CARHSP1: variants seen among roughly 807,000 people sequenced by gnomAD.
The protein encoded by CARHSP1 is calcium regulated heat stable protein 1.
CARHSP1 carries 14 observed loss-of-function variants against 12.5 expected under a neutral mutation model. The observed-to-expected ratio is 1.12, with a 90% CI of 0.74 to 1.75. The LOEUF (loss-of-function observed/expected upper bound fraction) is 1.75. Among genes scored for constraint, CARHSP1 ranks in the 40% most tolerant of loss-of-function variants. CARHSP1 has a pLI of 0.00. For missense variants in CARHSP1, 343 were observed against 201.6 expected (o/e 1.70, Z -4.25); for synonymous variants, 161 against 82.0 (o/e 1.96, Z -5.20).
intron 1 of CARHSP1, among the ~76,000 whole-genome samples, chr16:8,864,579 GAGTA>G: frequency 6.6e-6 from 1 of 152,350 alleles, no homozygotes; most frequent in East Asian, 1.9e-4. Context: ...GTGAAATACG[GAGTA>G]AGTCAGACAG....
At chr16:8,860,083 G>C in intron 1 of CARHSP1, 2 of 957,414 alleles carry the variant, frequency 2.1e-6, no homozygotes, top group Non-Finnish European at 2.5e-6. Flanking sequence ...GACACCACAG[G>C]GAAGCAGGGG....
At chr16:8,857,564 C>A (rs1476701181) in intron 3 of CARHSP1, 1 of 142,754 alleles carries the variant, frequency 7.0e-6, no homozygotes, top group African/African-American at 2.6e-5. Context: ...AGTGCTGGGA[C>A]TACAGGTGTG....
chr16:8,866,544 C>A (rs1021846500), intron 1 of CARHSP1: 1 of 846,348 alleles, frequency 1.2e-6, no homozygotes. Flanking sequence ...AGAGGCGGGG[C>A]GGGTCAGCTG....
At chr16:8,867,396 G>A (rs1567192135) in intron 1 of CARHSP1, 1 of 152,294 alleles carries the variant, frequency 6.6e-6, no homozygotes, top group Non-Finnish European at 1.5e-5. Flanking sequence ...ATGGTGCCGC[G>A]AAAATGCCAA....
chr16:8,867,031 C>G (rs1217917239), intron 1 of CARHSP1, among the ~76,000 whole-genome samples: 1 of 152,114 alleles, frequency 6.6e-6, no homozygotes, highest in Non-Finnish European at 1.5e-5. Flanking sequence ...ATTAGCACCC[C>G]TGGACGGCCT....
chr16:8,861,031 CAGAGTG>C (rs1426013950), intron 1 of CARHSP1, among the ~76,000 whole-genome samples: 1 of 144,256 alleles, frequency 6.9e-6, no homozygotes, highest in African/African-American at 2.5e-5. Flanking sequence ...GCCTGGGTGA[CAGAGTG>C]AGACTCCGTC....
chr16:8,863,516 C>T (rs2141121800), intron 1 of CARHSP1, among the ~76,000 whole-genome samples: 1 of 152,350 alleles, frequency 6.6e-6, no homozygotes, highest in African/African-American at 2.4e-5. Context: ...GAGGTGGCTA[C>T]ATTCCTGCTC....
rs548374827 is a variant in CARHSP1, at chr16:8,854,810, C to T, written c.*354G>A. 3 of 177,162 alleles carry T rather than the reference C, an allele frequency of 1.7e-5. No homozygotes were observed. In the South Asian group the frequency reaches 5.9e-4, roughly 35 times the overall value. The allele number at this position is 177,162 out of a possible 1,614,324, so 11.0% of individuals were successfully genotyped here. On this transcript the variant is annotated 3_prime_UTR_variant, in exon 4 of 4. Transcript: ENST00000311052. ...TCCAGCTCCAGGAGGAAGAGGGATT[C>T]TGTGGGTTGAGCCCATGTGTCTGAG...
At chr16:8,858,228 A>C (rs1397413601) in intron 3 of CARHSP1, 122 bp downstream of exon 3, 4 of 1,200,666 alleles carry the variant, frequency 3.3e-6, no homozygotes, top group Non-Finnish European at 4.6e-6. Context: ...AGGCAGAGTC[A>C]CACAGGCCCA....
intron 3 of CARHSP1, 121 bp downstream of exon 3, chr16:8,858,229 C>T: frequency 1.6e-6 from 2 of 1,220,736 alleles, no homozygotes; most frequent in East Asian, 2.5e-5. Context: ...GGCAGAGTCA[C>T]ACAGGCCCAG....
chr16:8,863,952 C>T (rs59017441), intron 1 of CARHSP1, among the ~76,000 whole-genome samples: 1,541 of 152,288 alleles, frequency 0.01, 16 homozygotes, highest in African/African-American at 0.025. Flanking sequence ...TTGGAGTGTC[C>T]CCAGCAGAAG....
intron 1 of CARHSP1, 54 bp downstream of exon 1, chr16:8,868,912 C>A (rs1401601290): frequency 6.6e-6 from 1 of 152,090 alleles, no homozygotes; most frequent in Non-Finnish European, 1.5e-5. Context: ...CTGCGGCTCC[C>A]GGGGCCGCGG....
Position 8,858,369 on chromosome 16 carries a change from T to C in CARHSP1, c.262A>G (p.Ile88Val), listed in dbSNP as rs1169009639. The C allele has an allele frequency of 1.1e-5, 18 of 1,613,878 alleles. No homozygotes were observed. Among genetic ancestry groups the C allele is most frequent in the Admixed American group, 3.3e-5 (2 of 60,024 alleles). Reference sequence around the variant, plus strand: ...ACTCACTCAGAGATGTGCAGGAAGATGTCGGGGCCGCCATCAGCTGGAGTA... The same window carrying C: ...ACTCACTCAGAGATGTGCAGGAAGACGTCGGGGCCGCCATCAGCTGGAGTA... The part of the protein sequence containing the change: ...FITPADGGPD[I>V]FLHISDVEGE... The change falls in exon 3 of 4, where the codon ATC (isoleucine) becomes GTC (valine). Residue 88 changes from isoleucine (I) to valine (V), a missense_variant. Coordinates refer to ENST00000311052, the MANE Select transcript of CARHSP1 (RefSeq NM_014316.4).
intron 1 of CARHSP1, among the ~76,000 whole-genome samples, chr16:8,864,240 A>G (rs571821455): frequency 2.4e-4 from 37 of 152,296 alleles, no homozygotes; most frequent in South Asian, 1.9e-3. Context: ...ATCTGAGCGC[A>G]TACACGTGTA....
intron 1 of CARHSP1, among the ~76,000 whole-genome samples, chr16:8,860,673 C>T (rs535372791): frequency 9.2e-5 from 14 of 151,842 alleles, no homozygotes; most frequent in Middle Eastern, 3.4e-3. Context: ...TAACTCAGGA[C>T]GCCACTCAAC....
rs2061237661 is a variant in CARHSP1 at position 8,858,690 on chromosome 16, G to C, written c.159-218C>G. Reference sequence around the variant, plus strand: ...GGATGACCCTGGCCAATTTTCTCGGGCCTGTTTTCCCTCCTGGAAAGAGGG... The same window carrying C: ...GGATGACCCTGGCCAATTTTCTCGGCCCTGTTTTCCCTCCTGGAAAGAGGG... On this transcript the variant is annotated intron_variant, in intron 2 of 3. Coordinates refer to ENST00000311052, the MANE Select transcript of CARHSP1 (RefSeq NM_014316.4). The C allele has an allele frequency of 5.5e-6, 3 of 549,748 alleles. No homozygotes were observed. The Admixed American group carries it at 1.1e-4, about 19-fold the overall frequency. The allele number at this position is 549,748 out of a possible 1,614,324, so 34.1% of individuals were successfully genotyped here.
chr16:8,861,953 C>T (rs186070626), intron 1 of CARHSP1: 96 of 229,850 alleles, frequency 4.2e-4, no homozygotes, highest in Non-Finnish European at 5.1e-5. Context: ...TCCAAAGTCT[C>T]CCTCCCTCCT....
At chr16:8,867,667 C>T (rs1423126342) in intron 1 of CARHSP1, 1 of 152,496 alleles carries the variant, frequency 6.6e-6, no homozygotes. Context: ...GGGCTCTGCG[C>T]CTCTTTCTTG....
At chr16:8,863,430 G>A (rs2061403658) in intron 1 of CARHSP1, among the ~76,000 whole-genome samples, 1 of 152,178 alleles carries the variant, frequency 6.6e-6, no homozygotes, top group Admixed American at 6.5e-5. Flanking sequence ...CTCATTCTTT[G>A]CCAGCATTAG....
Sources: gnomAD v4.1 joint callset for allele counts (sites outside exome capture counted in the v4.1 genomes callset) on GRCh38, gnomAD v4.1.1 for gene constraint, MANE v1.5 for transcripts, NCBI Gene and HGNC (gene_info 2026-07-23, HGNC 2026-07-21) for gene names.